Variants in P2RY8 observed in about 807,000 individuals in gnomAD.
P2RY8 encodes P2Y receptor family member 8.
A neutral mutation model predicts 10.0 loss-of-function variants in P2RY8; 6 were observed. The observed-to-expected ratio is 0.60, with a 90% CI of 0.33 to 1.19. P2RY8 has a LOEUF of 1.19. Among genes scored for constraint, P2RY8 ranks in the 50% most tolerant of loss-of-function variants. P2RY8 has a pLI of 0.04. For synonymous variants in P2RY8, 276 were observed against 252.5 expected (o/e 1.09, Z -0.88); for missense variants, 456 against 542.0 (o/e 0.84, Z 1.58).
chrX:1,505,984 CTTCTTTTTTTTTT>C, intron 1 of P2RY8, among the ~76,000 whole-genome samples: 1 of 129,826 alleles, frequency 7.7e-6, no homozygotes, highest in South Asian at 2.5e-4. Flanking sequence ...TAATTTCTTT[CTTCTTTTTTTTTT>C]TTTTTTTTTT....
intron 1 of P2RY8, among the ~76,000 whole-genome samples, chrX:1,471,208 A>C (rs2091780272): frequency 6.7e-6 from 1 of 149,530 alleles, no homozygotes; most frequent in South Asian, 2.1e-4. Flanking sequence ...GGGTTTCACC[A>C]TGTTGGCCAG....
chrX:1,465,542 C>T lies in P2RY8; in HGVS notation c.1017G>A (p.Ala339=), dbSNP rs781579286. ...TGGCTCCCTCCATCCCTTCAGGGTG[C>T]GCACCGGCCTCGGAGCGCACGGACG... ...RTTSVRSEAG[A]HPEGMEGATR... is the part of the protein sequence containing the mutation. The change falls in exon 2 of 2, where the codon GCG becomes GCA. Residue 339 remains alanine (A), a synonymous_variant. Transcript: ENST00000381297. 4.3e-6 allele frequency: 7 copies of T among 1,612,076 alleles called. No homozygotes were observed. Among genetic ancestry groups the T allele is most frequent in the Non-Finnish European group, 8.5e-7 (1 of 1,179,702 alleles).
chrX:1,500,537 C>A (rs752377970), intron 1 of P2RY8, among the ~76,000 whole-genome samples: 7 of 151,062 alleles, frequency 4.6e-5, no homozygotes, highest in Non-Finnish European at 8.9e-5. Context: ...CTCCGCCTCC[C>A]GAGTTCAAGT....
intron 1 of P2RY8, among the ~76,000 whole-genome samples, chrX:1,530,305 C>T (rs1358055158): frequency 6.6e-6 from 1 of 151,192 alleles, no homozygotes; most frequent in African/African-American, 2.4e-5. Flanking sequence ...ATCTATCTAT[C>T]TATCTGTCAT....
intron 1 of P2RY8, among the ~76,000 whole-genome samples, chrX:1,512,502 ATG>A (rs2092305912): frequency 1.4e-5 from 2 of 139,720 alleles, no homozygotes. Context: ...GGCTGAGATC[ATG>A]CCATTGCACT....
At chrX:1,536,823 C>T in intron 1 of P2RY8, 98 bp downstream of exon 1, 1 of 199,782 alleles carries the variant, frequency 5.0e-6, no homozygotes, top group Non-Finnish European at 1.0e-5. Context: ...TTTGCACCGT[C>T]TTCCCCCATG....
intron 1 of P2RY8, among the ~76,000 whole-genome samples, chrX:1,530,231 T>G (rs2092464777): frequency 8.1e-6 from 1 of 123,310 alleles, no homozygotes; most frequent in Non-Finnish European, 2.0e-5. Context: ...CATGTATCTA[T>G]GTATGTATCT....
intron 1 of P2RY8, among the ~76,000 whole-genome samples, chrX:1,476,954 C>CGAGGTGGGTGGATCACCT (rs1294294508): frequency 2.0e-5 from 3 of 151,968 alleles, no homozygotes; most frequent in Non-Finnish European, 4.4e-5. Flanking sequence ...TTTGGGAGGC[C>CGAGGTGGGTGGATCACCT]GAGGTGGGTG....
At chrX:1,475,612 GTCA>G (rs1450427484) in intron 1 of P2RY8, among the ~76,000 whole-genome samples, 1 of 151,412 alleles carries the variant, frequency 6.6e-6, no homozygotes, top group Non-Finnish European at 1.5e-5. Flanking sequence ...TAGAGAAAGC[GTCA>G]TCATACCAAA....
At chrX:1,503,859 T>A (rs6645260) in intron 1 of P2RY8, among the ~76,000 whole-genome samples, 32,047 of 151,268 alleles carry the variant, frequency 0.21, 4,201 homozygotes, top group East Asian at 0.54. Context: ...CATGCCACTG[T>A]ACTCCAGCCT....
intron 1 of P2RY8, among the ~76,000 whole-genome samples, chrX:1,475,491 A>C (rs2091864645): frequency 6.6e-6 from 1 of 152,114 alleles, no homozygotes; most frequent in African/African-American, 2.4e-5. Flanking sequence ...GAGAGAATGC[A>C]TTGCTGTTAT....
At chrX:1,490,919 G>A (rs1405859373) in intron 1 of P2RY8, among the ~76,000 whole-genome samples, 1 of 142,452 alleles carries the variant, frequency 7.0e-6, no homozygotes, top group African/African-American at 2.6e-5. Context: ...AATGTGGGGG[G>A]AATGAATGAA....
rs1270332092 is a variant in P2RY8 at position 1,463,284 on chromosome X, C to G, written c.*2195G>C. 4.3e-6 allele frequency: 1 copy of G among 232,948 alleles called. No individual in the cohort carries two copies. Among genetic ancestry groups the G allele is most frequent in the Non-Finnish European group, 8.5e-6 (1 of 117,956 alleles). The allele number at this position is 232,948 out of a possible 1,614,324, so 14.4% of individuals were successfully genotyped here. A position where few individuals can be genotyped will look rare whatever the true frequency, so the allele number is the denominator to read the frequency against. ...TGCTTTCTAGGGTTCAGCTTTGGAA[C>G]AGTCTAGAGAAGCAGGAGGTTAATT... On this transcript the variant is annotated 3_prime_UTR_variant, in exon 2 of 2. Coordinates refer to ENST00000381297, the MANE Select transcript of P2RY8 (RefSeq NM_178129.5).
At chrX:1,509,240 A>G (rs2092271375) in intron 1 of P2RY8, among the ~76,000 whole-genome samples, 2 of 141,018 alleles carry the variant, frequency 1.4e-5, no homozygotes, top group Admixed American at 7.2e-5. Context: ...TCTCTCTATC[A>G]TCTATGTATC....
intron 1 of P2RY8, among the ~76,000 whole-genome samples, chrX:1,505,987 CTTTTTTTTTT>C (rs542485545): frequency 3.7e-5 from 4 of 108,836 alleles, no homozygotes; most frequent in African/African-American, 3.6e-5. Context: ...TTTCTTTCTT[CTTTTTTTTTT>C]TTTTTTTTTT....
intron 1 of P2RY8, among the ~76,000 whole-genome samples, chrX:1,488,249 G>A (rs1189600453): frequency 6.6e-6 from 1 of 152,170 alleles, no homozygotes; most frequent in Non-Finnish European, 1.5e-5. Flanking sequence ...CTCACTGCCT[G>A]GTTCTGCCCT....
At position 1,507,994 on chromosome X, in the gene P2RY8, G is replaced by A. The variant is rs777845786; in HGVS notation, c.-25+28927C>T. On this transcript the variant is annotated intron_variant, in intron 1 of 1. Coordinates refer to ENST00000381297, the MANE Select transcript of P2RY8 (RefSeq NM_178129.5). ...CCATCCCTCAGGAGACCTCCCTGCC[G>A]CCTCCCCCACCTCTTTCACCCCGTA... Among the ~76,000 whole-genome samples, 32 of 152,126 alleles carry A rather than the reference G, an allele frequency of 2.1e-4. No homozygotes were observed. The East Asian group carries it at 5.8e-3, about 28-fold the overall frequency.
chrX:1,464,669 G>A lies in P2RY8; in HGVS notation c.*810C>T. 4.3e-6 allele frequency: 1 copy of A among 233,270 alleles called. No individual in the cohort carries two copies. Among genetic ancestry groups the A allele is most frequent in the Non-Finnish European group, 8.5e-6 (1 of 118,104 alleles). The allele number at this position is 233,270 out of a possible 1,614,324, so 14.5% of individuals were successfully genotyped here. On this transcript the variant is annotated 3_prime_UTR_variant, in exon 2 of 2. Transcript: ENST00000381297. The stretch of plus-strand genomic sequence containing the variant: ...TCAGGGAAGCCTGAGTGTGTTCCAG[G>A]GGCCTGATGGGACCTCCTTCTCTAT...
intron 1 of P2RY8, among the ~76,000 whole-genome samples, chrX:1,529,393 T>C (rs2092458966): frequency 6.6e-6 from 1 of 152,108 alleles, no homozygotes; most frequent in Non-Finnish European, 1.5e-5. Context: ...AAGGATCATC[T>C]TGTCTTATCT....
Sources: gnomAD v4.1 joint callset for allele counts (sites outside exome capture counted in the v4.1 genomes callset) on GRCh38, gnomAD v4.1.1 for gene constraint, MANE v1.5 for transcripts, NCBI Gene and HGNC (gene_info 2026-07-23, HGNC 2026-07-21) for gene names.